The following PRDM15 variants were observed in gnomAD, a reference collection of about 807,000 sequenced individuals.
PRDM15 encodes the protein PR/SET domain 15, also known as PR domain zinc finger protein 15.
PRDM15 carries 64 observed loss-of-function variants against 128.6 expected under a neutral mutation model. The ratio of observed to expected loss-of-function variants is 0.50; its 90% confidence interval spans 0.41 to 0.61. PRDM15 has a LOEUF of 0.61. Among genes scored for constraint, PRDM15 ranks in the 20% least tolerant of loss-of-function variants. The probability of loss-of-function intolerance (pLI) is 0.00; values close to 1 mark genes in which losing one functional copy is unlikely to be tolerated. For missense variants in PRDM15, 1,242 were observed against 1,569.1 expected, an observed-to-expected ratio of 0.79 and a Z score of 3.52; for synonymous variants, 615 against 621.8, an observed-to-expected ratio of 0.99 and a Z score of 0.16.
rs1288547200 is a variant in PRDM15, at chr21:41,828,974, ACG to A, written c.1367-643_1367-642del. Among the ~76,000 whole-genome samples, 100 of 142,516 alleles carry A rather than the reference ACG, an allele frequency of 7.0e-4. No individual in the cohort carries two copies. Among genetic ancestry groups the A allele is most frequent in the African/African-American group, 2.5e-3 (86 of 34,352 alleles). 93.5% of individuals were successfully genotyped at this position (142,516 alleles called of 152,430 possible). A position where few individuals can be genotyped will look rare whatever the true frequency, so the allele number is the denominator to read the frequency against. Reference sequence around the variant, plus strand: ...ATCACACACACCACATACACACACCACGCACACATGCCCCACACAAATACACA... The same window carrying A: ...ATCACACACACCACATACACACACCACACACATGCCCCACACAAATACACA... On this transcript the variant is annotated intron_variant, in intron 11 of 23. Transcript: ENST00000398548. The surrounding 1 kb of genome is among the most constrained non-coding windows in gnomAD (Gnocchi z 5.7).
intron 1 of PRDM15, among the ~76,000 whole-genome samples, chr21:41,869,209 G>C (rs1478019862): frequency 6.6e-6 from 1 of 152,118 alleles, no homozygotes; most frequent in Non-Finnish European, 1.5e-5. Context: ...CCCTTTCACA[G>C]ACTATGCTTG....
Position 41,834,563 on chromosome 21 carries a change from T to C in PRDM15, c.1366+874A>G. ...CCCCCTCTCCAGGGTGTGCTATGAG[T>C]CCTAGAGAGAGGGGGACACAAAGGC... On this transcript the variant is annotated intron_variant, in intron 11 of 23. Coordinates refer to ENST00000398548, the MANE Select transcript of PRDM15 (RefSeq NM_001040424.3). The C allele has an allele frequency of 1.9e-6, 3 of 1,549,048 alleles. No individual in the cohort carries two copies. The South Asian group carries it at 3.6e-5, about 18-fold the overall frequency.
At chr21:41,848,696 G>A (rs562535864) in intron 5 of PRDM15, among the ~76,000 whole-genome samples, 2 of 152,276 alleles carry the variant, frequency 1.3e-5, no homozygotes, top group African/African-American at 2.4e-5. Flanking sequence ...TCGAATCCAC[G>A]TGGGCCATTG....
At chr21:41,850,543 C>T (rs1199349549) in intron 5 of PRDM15, among the ~76,000 whole-genome samples, 1 of 152,050 alleles carries the variant, frequency 6.6e-6, no homozygotes, top group South Asian at 2.1e-4. Flanking sequence ...GCCTAGGCAA[C>T]ACAGTGAGAC....
At chr21:41,857,724 C>T (rs901715287) in intron 3 of PRDM15, among the ~76,000 whole-genome samples, 3 of 152,154 alleles carry the variant, frequency 2.0e-5, no homozygotes, top group Admixed American at 2.0e-4. Context: ...TGTGCCACTG[C>T]ACTGTAGCCT....
At chr21:41,837,141 G>A (rs1173486955) in intron 8 of PRDM15, among the ~76,000 whole-genome samples, 3 of 152,174 alleles carry the variant, frequency 2.0e-5, no homozygotes, top group Non-Finnish European at 4.4e-5. Context: ...CCAACTATAA[G>A]AGGTGATCCG....
At chr21:41,806,737 ATACCACCACCATCACCACCG>A (rs2061687337) in intron 21 of PRDM15, among the ~76,000 whole-genome samples, 13 of 89,702 alleles carry the variant, frequency 1.4e-4, no homozygotes, top group African/African-American at 5.1e-4. Context: ...CACCATCACC[ATACCACCACCATCACCACCG>A]CCACCACCAT....
chr21:41,859,166 T>C lies in PRDM15; in HGVS notation c.131+426A>G. 1.9e-6 allele frequency: 3 copies of C among 1,613,940 alleles called. No homozygotes were observed. Among genetic ancestry groups the C allele is most frequent in the Non-Finnish European group, 2.5e-6 (3 of 1,179,992 alleles). On this transcript the variant is annotated intron_variant, in intron 3 of 23. Transcript: ENST00000398548. This position sits in a 1 kb window ranked among gnomAD's most constrained non-coding sequence, Gnocchi z 5.3. ...CTGCTGTGGGTCAGCCCTGTCCCTG[T>C]CCTCATAACCCCGCATCCCCTGCCC...
At chr21:41,852,782 C>T (rs945243000) in intron 5 of PRDM15, among the ~76,000 whole-genome samples, 1 of 152,198 alleles carries the variant, frequency 6.6e-6, no homozygotes, top group Non-Finnish European at 1.5e-5. Context: ...CCTCACATGG[C>T]CCATAGTGGG....
rs28451444 is a variant in PRDM15 at position 41,820,722 on chromosome 21, A to C, written c.2060+345T>G. Among the ~76,000 whole-genome samples, 363 of 152,362 alleles carry C rather than the reference A, an allele frequency of 2.4e-3. 1 individual carries two copies. The highest frequency in any genetic ancestry group is 8.1e-3 in the African/African-American group (338 of 41,584). ...TAGTCACTCACTCAGCAGACCGCGC[A>C]GATTATGGCCTGTATGTCAGATGTG... On this transcript the variant is annotated intron_variant, in intron 16 of 23. Coordinates refer to ENST00000398548, the MANE Select transcript of PRDM15 (RefSeq NM_001040424.3).
intron 1 of PRDM15, chr21:41,867,310 C>A (rs137957423): frequency 6.2e-7 from 1 of 1,613,288 alleles, no homozygotes; most frequent in East Asian, 2.2e-5. Context: ...CTCCTCCGTT[C>A]GCAATCTTCC....
At position 41,837,916 on chromosome 21, in the gene PRDM15, G is replaced by A; in HGVS notation, c.1001+18C>T. The A allele has an allele frequency of 6.2e-7, 1 of 1,614,094 alleles. No individual in the cohort carries two copies. The highest frequency in any genetic ancestry group is 8.5e-7 in the Non-Finnish European group (1 of 1,179,946). ...TTGTCTGTCCACAGGACGGCCCCAG[G>A]TGCCAGGCAGGACTTACTTTGGAAC... On this transcript the variant is annotated intron_variant, in intron 8 of 23. Transcript: ENST00000398548.
In PRDM15 at chr21:41,828,490, A is replaced by G. The variant is rs2062551103; in HGVS notation, c.1367-157T>C. ...AGAAAACAGCACCTGTGTGTCATACACTGTCTACCCCAGGAACTCACGATG... is the reference window on the plus strand; with the variant it reads ...AGAAAACAGCACCTGTGTGTCATACGCTGTCTACCCCAGGAACTCACGATG... On this transcript the variant is annotated intron_variant, in intron 11 of 23. Coordinates refer to ENST00000398548, the MANE Select transcript of PRDM15 (RefSeq NM_001040424.3). The surrounding 1 kb of genome is among the most constrained non-coding windows in gnomAD (Gnocchi z 5.7). 6.6e-6 allele frequency among the ~76,000 whole-genome samples: 1 copy of G among 151,818 alleles called. No homozygotes were observed. Among genetic ancestry groups the G allele is most frequent in the South Asian group, 2.1e-4 (1 of 4,806 alleles).
chr21:41,871,507 A>T, intron 1 of PRDM15: 1 of 1,604,758 alleles, frequency 6.2e-7, no homozygotes, highest in East Asian at 2.2e-5. Flanking sequence ...GAGGTAGGGC[A>T]GGATTGCGTC....
intron 7 of PRDM15, 142 bp from the exon 8 acceptor site, chr21:41,838,205 A>G: frequency 1.2e-6 from 1 of 812,566 alleles, no homozygotes; most frequent in Non-Finnish European, 1.9e-6. Context: ...AGAGGGGAAA[A>G]AAAAAACTGT....
chr21:41,811,163 C>A lies in PRDM15; in HGVS notation c.2393-327G>T. 1 of 306,098 alleles carries A rather than the reference C, an allele frequency of 3.3e-6. No homozygotes were observed. 19.0% of individuals were successfully genotyped at this position (306,098 alleles called of 1,614,324 possible). ...TCTTTAAAGCATTAATGTATCCACA[C>A]CTCCCTTAGTCCAGGAAGCTCTTAG... is the stretch of plus-strand genomic sequence containing the variant. On this transcript the variant is annotated intron_variant, in intron 19 of 23. Transcript: ENST00000398548. The surrounding 1 kb of genome is among the most constrained non-coding windows in gnomAD (Gnocchi z 4.1).
intron 1 of PRDM15, chr21:41,861,534 G>GT: frequency 6.8e-7 from 1 of 1,475,168 alleles, no homozygotes; most frequent in Non-Finnish European, 9.3e-7. Flanking sequence ...TTCCTCCTCT[G>GT]CCCCCCCCCA....
chr21:41,846,083 G>C (rs1350546882), intron 6 of PRDM15, among the ~76,000 whole-genome samples: 1 of 152,170 alleles, frequency 6.6e-6, no homozygotes, highest in East Asian at 1.9e-4. Flanking sequence ...TCTCAGGAAC[G>C]TGTGACCAGG....
chr21:41,807,526 C>T (rs944756008), intron 21 of PRDM15, among the ~76,000 whole-genome samples: 1 of 152,154 alleles, frequency 6.6e-6, no homozygotes. Flanking sequence ...GACCCGAGTC[C>T]CCTTCCTTCC....
Sources: allele counts gnomAD v4.1 joint callset (sites outside exome capture counted in the v4.1 genomes callset), GRCh38; gene constraint gnomAD v4.1.1; non-coding constraint Gnocchi (gnomAD v3.1); transcripts MANE v1.5; gene names NCBI Gene and HGNC (gene_info 2026-07-23, HGNC 2026-07-21).